Variants in FAM3B observed in about 807,000 individuals in gnomAD.
FAM3B encodes the protein protein FAM3B.
Under a neutral mutation model 28.4 loss-of-function variants are expected in FAM3B, and 29 were observed. The observed-to-expected ratio is 1.02, with a 90% CI of 0.76 to 1.39. FAM3B has a LOEUF of 1.39. Ranked by LOEUF, FAM3B falls within the 40% of genes most tolerant of loss-of-function variation. The probability of loss-of-function intolerance (pLI) is 0.00; values close to 1 mark genes in which losing one functional copy is unlikely to be tolerated. For missense variants in FAM3B, 266 were observed against 293.9 expected, an observed-to-expected ratio of 0.91 and a Z score of 0.69; for synonymous variants, 91 against 103.0, an observed-to-expected ratio of 0.88 and a Z score of 0.71.
At chr21:41,314,566 T>C (rs533015534), upstream of FAM3B, among the ~76,000 whole-genome samples, 154 of 152,336 alleles carry the variant, frequency 1.0e-3, no homozygotes, top group Middle Eastern at 6.8e-3. Flanking sequence ...AAAAGGAATA[T>C]GTAATTAAAG....
chr21:41,333,084 A>G (rs2088921569), intron 2 of FAM3B, among the ~76,000 whole-genome samples: 1 of 147,378 alleles, frequency 6.8e-6, no homozygotes, highest in Non-Finnish European at 1.5e-5. Context: ...CTCCTCTGTT[A>G]GAACTGTTTT....
upstream of FAM3B, among the ~76,000 whole-genome samples, chr21:41,316,369 G>A (rs1464565417): frequency 2.6e-5 from 4 of 152,250 alleles, no homozygotes; most frequent in African/African-American, 9.6e-5. Flanking sequence ...AGCCTGTAGC[G>A]ACTGTTCTGG....
At chr21:41,330,151 A>AG (rs1555870392) in intron 2 of FAM3B, among the ~76,000 whole-genome samples, 1 of 150,434 alleles carries the variant, frequency 6.6e-6, no homozygotes, top group Non-Finnish European at 1.5e-5. Flanking sequence ...AAAAAAAAAA[A>AG]CATAATACAG....
At chr21:41,310,612 C>A (rs181709474) in intron 1 of FAM3B, among the ~76,000 whole-genome samples, 1 of 152,190 alleles carries the variant, frequency 6.6e-6, no homozygotes, top group Non-Finnish European at 1.5e-5. Flanking sequence ...TCTGGCCCTT[C>A]CAAAATGAGC....
intron 4 of FAM3B, among the ~76,000 whole-genome samples, chr21:41,345,183 T>A (rs112801511): frequency 4.1e-5 from 6 of 145,750 alleles, no homozygotes; most frequent in African/African-American, 1.0e-4. Flanking sequence ...TTCTGTGGGA[T>A]GAGGCGGGTG....
At chr21:41,311,124 T>C (rs2088707195) in intron 1 of FAM3B, among the ~76,000 whole-genome samples, 1 of 150,158 alleles carries the variant, frequency 6.7e-6, no homozygotes. Context: ...CTTTATACAC[T>C]TAAAAGTGAC....
chr21:41,356,040 T>TACACACACAC (rs59345837), intron 7 of FAM3B, among the ~76,000 whole-genome samples: 78 of 119,964 alleles, frequency 6.5e-4, no homozygotes, highest in Middle Eastern at 4.1e-3. Context: ...AAAAAATACA[T>TACACACACAC]ACACACACAC....
chr21:41,338,425 T>C lies in FAM3B; in HGVS notation c.211T>C (p.Ser71Pro). ...QKCDHWTPCP[S>P]DTYAYRLLSG... ...ATGTGACCACTGGACTCCCTGCCCA[T>C]CTGACACCTATGCCTACAGGTTACT... The change falls in exon 3 of 8, where the codon TCT becomes CCT. Residue 71 changes from serine (S) to proline (P), a missense_variant. Physicochemically the swap from Ser to Pro is moderately conservative, Grantham distance 74. Transcript: ENST00000357985. The C allele has an allele frequency of 6.2e-7, 1 of 1,614,184 alleles. No homozygotes were observed. The highest frequency in any genetic ancestry group is 8.5e-7 in the Non-Finnish European group (1 of 1,180,020).
chr21:41,333,447 T>C (rs137937658), intron 2 of FAM3B, among the ~76,000 whole-genome samples: 170 of 152,134 alleles, frequency 1.1e-3, no homozygotes, highest in African/African-American at 4.0e-3. Flanking sequence ...TTCAAAAATG[T>C]GTGGTACCTC....
chr21:41,352,258 A>G (rs1379030994), intron 7 of FAM3B, among the ~76,000 whole-genome samples: 1 of 152,122 alleles, frequency 6.6e-6, no homozygotes, highest in Admixed American at 6.5e-5. Context: ...TTCCTGCTGT[A>G]ACTTTCCACA....
intron 2 of FAM3B, among the ~76,000 whole-genome samples, chr21:41,333,846 C>T (rs1282267505): frequency 6.6e-6 from 1 of 152,048 alleles, no homozygotes; most frequent in Admixed American, 6.6e-5. Context: ...ATGTTTGTGA[C>T]CAAAATGCTG....
chr21:41,346,879 G>A lies in FAM3B; in HGVS notation c.398-134G>A, dbSNP rs529433196. 63 of 756,572 alleles carry A rather than the reference G, an allele frequency of 8.3e-5. 1 individual carries two copies. The South Asian group carries it at 9.2e-4, about 11-fold the overall frequency. 46.9% of individuals were successfully genotyped at this position (756,572 alleles called of 1,614,324 possible). On this transcript the variant is annotated intron_variant, in intron 5 of 7. Transcript: ENST00000357985. ...CCAGAGCTAGCACACCATCTGCAGGGTTGAGCAGCGAGCGCTGGGACCCCC... is the reference window on the plus strand; with the variant it reads ...CCAGAGCTAGCACACCATCTGCAGGATTGAGCAGCGAGCGCTGGGACCCCC...
chr21:41,348,456 T>C (rs2089084074), intron 6 of FAM3B, 136 bp from the exon 7 acceptor site: 1 of 912,780 alleles, frequency 1.1e-6, no homozygotes, highest in Non-Finnish European at 1.7e-6. Context: ...CCACTGTGTG[T>C]CATGCACTGC....
Position 41,326,116 on chromosome 21 carries a change from C to T in FAM3B, c.163+3050C>T, listed in dbSNP as rs1387212752. Among the ~76,000 whole-genome samples, 3 of 152,188 alleles carry T rather than the reference C, an allele frequency of 2.0e-5. No homozygotes were observed. The highest frequency in any genetic ancestry group is 2.9e-5 in the Non-Finnish European group (2 of 68,026). ...TTCTCCCTGGCTAGGACACTGGCTT[C>T]TACGTAAGCCACATGAACTTTACCT... On this transcript the variant is annotated intron_variant, in intron 2 of 7. Transcript: ENST00000357985. This position sits in a 1 kb window ranked among gnomAD's most constrained non-coding sequence, Gnocchi z 4.0.
At chr21:41,319,117 C>T (rs1276556279) in intron 1 of FAM3B, among the ~76,000 whole-genome samples, 3 of 152,102 alleles carry the variant, frequency 2.0e-5, no homozygotes, top group African/African-American at 7.2e-5. Context: ...GTCTTGAACT[C>T]CTGGCCTCAA....
At chr21:41,355,269 C>T (rs887238350) in intron 7 of FAM3B, among the ~76,000 whole-genome samples, 3 of 152,162 alleles carry the variant, frequency 2.0e-5, no homozygotes, top group Non-Finnish European at 4.4e-5. Flanking sequence ...CTGGCAGTTC[C>T]TCAAAAAGTT....
chr21:41,324,932 T>C (rs1365964995), intron 2 of FAM3B, among the ~76,000 whole-genome samples: 4 of 152,038 alleles, frequency 2.6e-5, no homozygotes, highest in Non-Finnish European at 5.9e-5. Flanking sequence ...TGAAACCCTG[T>C]CTCTACTAAA....
intron 2 of FAM3B, among the ~76,000 whole-genome samples, chr21:41,323,524 A>G (rs950180833): frequency 3.3e-5 from 5 of 152,226 alleles, no homozygotes; most frequent in Non-Finnish European, 7.3e-5. Context: ...CACGGCCTCA[A>G]CCATCAGCTT....
chr21:41,329,007 T>C (rs2088880749), intron 2 of FAM3B, among the ~76,000 whole-genome samples: 1 of 152,240 alleles, frequency 6.6e-6, no homozygotes, highest in East Asian at 1.9e-4. Flanking sequence ...CATGATAGCT[T>C]TTATCTTTAA....
Sources: gnomAD v4.1 joint callset for allele counts (sites outside exome capture counted in the v4.1 genomes callset) on GRCh38, gnomAD v4.1.1 for gene constraint, Gnocchi (gnomAD v3.1) non-coding constraint, MANE v1.5 for transcripts, NCBI Gene and HGNC (gene_info 2026-07-23, HGNC 2026-07-21) for gene names.